C11orf87: variants seen among roughly 807,000 people sequenced by gnomAD.
C11orf87 encodes uncharacterized protein C11orf87.
A neutral mutation model predicts 9.2 loss-of-function variants in C11orf87; 3 were observed. That is an observed-to-expected ratio of 0.33 (90% CI 0.15 to 0.84). The LOEUF (loss-of-function observed/expected upper bound fraction) is 0.84, where lower values mean the gene tolerates loss of function less well. C11orf87 is among the 40% of genes least tolerant of loss of function. The probability of loss-of-function intolerance (pLI) is 0.55; values close to 1 mark genes in which losing one functional copy is unlikely to be tolerated. For synonymous variants in C11orf87, 124 were observed against 124.6 expected (o/e 1.00, Z 0.03); for missense variants, 256 against 270.7 (o/e 0.95, Z 0.38).
rs758180198 is a variant in C11orf87, at chr11:109,425,699, T to C, written c.*1472T>C. ...CCATCTATTAAAAACATGGTTAATA[T>C]TTAAACAGTGCCTGTAGTTCTCCCT... On this transcript the variant is annotated 3_prime_UTR_variant, in exon 2 of 2. Transcript: ENST00000327419. 6 of 153,094 alleles carry C rather than the reference T, an allele frequency of 3.9e-5. No homozygotes were observed. The highest frequency in any genetic ancestry group is 2.1e-4 in the South Asian group (1 of 4,828). The allele number at this position is 153,094 out of a possible 1,614,324, so 9.5% of individuals were successfully genotyped here. A position where few individuals can be genotyped will look rare whatever the true frequency, so the allele number is the denominator to read the frequency against.
chr11:109,422,729 T>TTC (rs1860508991), intron 1 of C11orf87, among the ~76,000 whole-genome samples: 1 of 142,428 alleles, frequency 7.0e-6, no homozygotes, highest in African/African-American at 2.6e-5. Context: ...CTGCTTTTTT[T>TTC]TTTTTTTTTT....
chr11:109,428,008 T>C lies in C11orf87; in HGVS notation c.*3781T>C, dbSNP rs1860595767. On this transcript the variant is annotated 3_prime_UTR_variant, in exon 2 of 2. Transcript: ENST00000327419. Reference sequence around the variant, plus strand: ...CAAATCTGAATGACTTTCTCTTTAATAATGAAAGGGGAGAGTCCTGGTTAG... The same window carrying C: ...CAAATCTGAATGACTTTCTCTTTAACAATGAAAGGGGAGAGTCCTGGTTAG... 1 of 152,136 alleles carries C rather than the reference T, an allele frequency of 6.6e-6. No homozygotes were observed. The highest frequency in any genetic ancestry group is 6.5e-5 in the Admixed American group (1 of 15,274). The allele number at this position is 152,136 out of a possible 1,614,324, so 9.4% of individuals were successfully genotyped here. A position where few individuals can be genotyped will look rare whatever the true frequency, so the allele number is the denominator to read the frequency against.
At position 109,425,589 on chromosome 11, in the gene C11orf87, T is replaced by C. The variant is rs1275943143; in HGVS notation, c.*1362T>C. On this transcript the variant is annotated 3_prime_UTR_variant, in exon 2 of 2. Coordinates refer to ENST00000327419, the MANE Select transcript of C11orf87 (RefSeq NM_207645.4). Reference sequence around the variant, plus strand: ...TCTGTAGTAGACTGTTATAAAAAGATGACACACACGCTTTATTTTTTCTTT... The same window carrying C: ...TCTGTAGTAGACTGTTATAAAAAGACGACACACACGCTTTATTTTTTCTTT... The C allele has an allele frequency of 6.0e-6, 1 of 166,546 alleles. No homozygotes were observed. Among genetic ancestry groups the C allele is most frequent in the African/African-American group, 2.4e-5 (1 of 41,468 alleles). 10.3% of individuals were successfully genotyped at this position (166,546 alleles called of 1,614,324 possible). A position where few individuals can be genotyped will look rare whatever the true frequency, so the allele number is the denominator to read the frequency against.
rs1860587448 is a variant in C11orf87 at position 109,427,351 on chromosome 11, A to G, written c.*3124A>G. On this transcript the variant is annotated 3_prime_UTR_variant, in exon 2 of 2. Transcript: ENST00000327419. Reference sequence around the variant, plus strand: ...ACTCAAAACCTAAGCTTCCAGTGGTATTACTTGTGATTTTTTTATGAGATA... The same window carrying G: ...ACTCAAAACCTAAGCTTCCAGTGGTGTTACTTGTGATTTTTTTATGAGATA... 6.6e-6 allele frequency: 1 copy of G among 152,106 alleles called. No homozygotes were observed. The highest frequency in any genetic ancestry group is 2.1e-4 in the South Asian group (1 of 4,824). The allele number at this position is 152,106 out of a possible 1,614,324, so 9.4% of individuals were successfully genotyped here. A position where few individuals can be genotyped will look rare whatever the true frequency, so the allele number is the denominator to read the frequency against.
In C11orf87 at chr11:109,423,532, G is replaced by T; in HGVS notation, c.-102G>T. ...CGCACACCCCCTCCCGCTACAGGGA[G>T]CAGTTTTGGGTGGCGTGGGCTCCGT... is the stretch of plus-strand genomic sequence containing the variant. On this transcript the variant is annotated 5_prime_UTR_variant, in exon 2 of 2. Transcript: ENST00000327419. This position sits in a 1 kb window ranked among gnomAD's most constrained non-coding sequence, Gnocchi z 5.3. 8.4e-7 allele frequency: 1 copy of T among 1,192,520 alleles called. No individual in the cohort carries two copies. Among genetic ancestry groups the T allele is most frequent in the East Asian group, 2.6e-5 (1 of 38,946 alleles). 73.9% of individuals were successfully genotyped at this position (1,192,520 alleles called of 1,614,324 possible).
Position 109,425,925 on chromosome 11 carries a change from G to A in C11orf87, c.*1698G>A, listed in dbSNP as rs569130155. 6 of 152,320 alleles carry A rather than the reference G, an allele frequency of 3.9e-5. No individual in the cohort carries two copies. The South Asian group carries it at 1.2e-3, about 32-fold the overall frequency. 9.4% of individuals were successfully genotyped at this position (152,320 alleles called of 1,614,324 possible). A position where few individuals can be genotyped will look rare whatever the true frequency, so the allele number is the denominator to read the frequency against. ...TTACAAATCTGTGCCTGCAGCAAAA[G>A]AAAGGCTCTCTTTCTCAGTCTGTCC... is the stretch of plus-strand genomic sequence containing the variant. On this transcript the variant is annotated 3_prime_UTR_variant, in exon 2 of 2. Transcript: ENST00000327419.
At chr11:109,422,853 G>T (rs1397100933) in intron 1 of C11orf87, among the ~76,000 whole-genome samples, 2 of 151,494 alleles carry the variant, frequency 1.3e-5, no homozygotes, top group Admixed American at 1.3e-4. Context: ...TGGTGCCAGG[G>T]GTATCCCCCT....
chr11:109,424,885 A>C lies in C11orf87; in HGVS notation c.*658A>C, dbSNP rs767521162. On this transcript the variant is annotated 3_prime_UTR_variant, in exon 2 of 2. Coordinates refer to ENST00000327419, the MANE Select transcript of C11orf87 (RefSeq NM_207645.4). This position sits in a 1 kb window ranked among gnomAD's most constrained non-coding sequence, Gnocchi z 4.7. ...ACAGGTACCCCTCGCCAGTCCGCCCATTTCTCACCCTTTGGTTAACCATTA... is the reference window on the plus strand; with the variant it reads ...ACAGGTACCCCTCGCCAGTCCGCCCCTTTCTCACCCTTTGGTTAACCATTA... 6.0e-6 allele frequency: 1 copy of C among 167,064 alleles called. No homozygotes were observed. The highest frequency in any genetic ancestry group is 2.4e-5 in the African/African-American group (1 of 41,432). 10.3% of individuals were successfully genotyped at this position (167,064 alleles called of 1,614,324 possible). A position where few individuals can be genotyped will look rare whatever the true frequency, so the allele number is the denominator to read the frequency against.
At position 109,426,399 on chromosome 11, in the gene C11orf87, C is replaced by T. The variant is rs1258733800; in HGVS notation, c.*2172C>T. On this transcript the variant is annotated 3_prime_UTR_variant, in exon 2 of 2. Transcript: ENST00000327419. ...TATTTTTGGTCATCTATTAAATTGC[C>T]CAAGCTCAGTTTGCATCTTTTATAA... 3 of 152,110 alleles carry T rather than the reference C, an allele frequency of 2.0e-5. No individual in the cohort carries two copies. Among genetic ancestry groups the T allele is most frequent in the Non-Finnish European group, 4.4e-5 (3 of 68,014 alleles). 9.4% of individuals were successfully genotyped at this position (152,110 alleles called of 1,614,324 possible).
At position 109,426,887 on chromosome 11, in the gene C11orf87, C is replaced by A. The variant is rs1326142999; in HGVS notation, c.*2660C>A. ...TTCTTTCCCTTATTTGGTGCACTTT[C>A]TACAGCGAATAATTTCCCATTTTAT... On this transcript the variant is annotated 3_prime_UTR_variant, in exon 2 of 2. Coordinates refer to ENST00000327419, the MANE Select transcript of C11orf87 (RefSeq NM_207645.4). 1.3e-5 allele frequency: 2 copies of A among 152,170 alleles called. No individual in the cohort carries two copies. The highest frequency in any genetic ancestry group is 4.8e-5 in the African/African-American group (2 of 41,450). The allele number at this position is 152,170 out of a possible 1,614,324, so 9.4% of individuals were successfully genotyped here. A position where few individuals can be genotyped will look rare whatever the true frequency, so the allele number is the denominator to read the frequency against.
Position 109,423,776 on chromosome 11 carries a change from C to G in C11orf87, c.143C>G (p.Thr48Arg). The change falls in exon 2 of 2, where the codon ACG becomes AGG. Residue 48 changes from threonine to arginine, a missense_variant. Coordinates refer to ENST00000327419, the MANE Select transcript of C11orf87 (RefSeq NM_207645.4). The surrounding 1 kb of genome is among the most constrained non-coding windows in gnomAD (Gnocchi z 5.3). Reference protein sequence around the residue: ...PGAVGSGTCITQVGQQLFQSF... With the variant: ...PGAVGSGTCIRQVGQQLFQSF... ...GCAGTAGGCAGCGGCACCTGCATCA[C>G]GCAGGTGGGACAGCAGCTCTTCCAG... The G allele has an allele frequency of 6.2e-7, 1 of 1,614,006 alleles. No individual in the cohort carries two copies. Among genetic ancestry groups the G allele is most frequent in the Non-Finnish European group, 8.5e-7 (1 of 1,179,890 alleles).
rs537908880 is a variant in C11orf87, at chr11:109,428,352, CTTCT to C, written c.*4128_*4131del. On this transcript the variant is annotated 3_prime_UTR_variant, in exon 2 of 2. Transcript: ENST00000327419. ...ATATGGATAAATTAGCTTTAAGAAA[CTTCT>C]TTGACATCTGACTTTTCCACCATTT... is the stretch of plus-strand genomic sequence containing the variant. 1.3e-5 allele frequency: 2 copies of C among 152,150 alleles called. No homozygotes were observed. The highest frequency in any genetic ancestry group is 4.1e-4 in the South Asian group (2 of 4,834). 9.4% of individuals were successfully genotyped at this position (152,150 alleles called of 1,614,324 possible). A position where few individuals can be genotyped will look rare whatever the true frequency, so the allele number is the denominator to read the frequency against.
In C11orf87 at chr11:109,427,607, T is replaced by C. The variant is rs1316834592; in HGVS notation, c.*3380T>C. On this transcript the variant is annotated 3_prime_UTR_variant, in exon 2 of 2. Transcript: ENST00000327419. Reference sequence around the variant, plus strand: ...ATTTTAAGGATTTTATTCACTGATGTCCCGTCAAACTAAATGCTTCAAACC... The same window carrying C: ...ATTTTAAGGATTTTATTCACTGATGCCCCGTCAAACTAAATGCTTCAAACC... 1 of 152,178 alleles carries C rather than the reference T, an allele frequency of 6.6e-6. No individual in the cohort carries two copies. The highest frequency in any genetic ancestry group is 1.5e-5 in the Non-Finnish European group (1 of 67,998). 9.4% of individuals were successfully genotyped at this position (152,178 alleles called of 1,614,324 possible).
At position 109,426,056 on chromosome 11, in the gene C11orf87, T is replaced by C. The variant is rs1860568937; in HGVS notation, c.*1829T>C. 6.6e-6 allele frequency: 1 copy of C among 152,220 alleles called. No individual in the cohort carries two copies. Among genetic ancestry groups the C allele is most frequent in the South Asian group, 2.1e-4 (1 of 4,828 alleles). 9.4% of individuals were successfully genotyped at this position (152,220 alleles called of 1,614,324 possible). A position where few individuals can be genotyped will look rare whatever the true frequency, so the allele number is the denominator to read the frequency against. On this transcript the variant is annotated 3_prime_UTR_variant, in exon 2 of 2. Coordinates refer to ENST00000327419, the MANE Select transcript of C11orf87 (RefSeq NM_207645.4). ...CAGACAAGGCCATCTATGTTAGAAA[T>C]GGAAGTAGTCTATAGTTATTTACCA...
chr11:109,423,663 G>A lies in C11orf87; in HGVS notation c.30G>A (p.Arg10=), dbSNP rs766202448. 5 of 1,605,660 alleles carry A rather than the reference G, an allele frequency of 3.1e-6. No homozygotes were observed. Among genetic ancestry groups the A allele is most frequent in the Non-Finnish European group, 4.2e-6 (5 of 1,179,602 alleles). The part of the protein sequence containing the change: MSARAPKEL[R]LALPPCLLNR... The stretch of plus-strand genomic sequence containing the variant: ...GTGCCAGGGCGCCGAAGGAGCTGAG[G>A]CTGGCGTTGCCGCCGTGTCTCCTCA... The change falls in exon 2 of 2, where the codon AGG becomes AGA. Residue 10 remains arginine, a synonymous_variant. Transcript: ENST00000327419. This position sits in a 1 kb window ranked among gnomAD's most constrained non-coding sequence, Gnocchi z 5.3.
rs958742706 is a variant in C11orf87, at chr11:109,422,276, G to C, written c.-260+13G>C. 1.6e-5 allele frequency: 3 copies of C among 182,678 alleles called. No homozygotes were observed. The highest frequency in any genetic ancestry group is 7.2e-5 in the African/African-American group (3 of 41,730). 11.3% of individuals were successfully genotyped at this position (182,678 alleles called of 1,614,324 possible). The stretch of plus-strand genomic sequence containing the variant: ...GCCGGCGGTCCAGGTAAGAGACAAG[G>C]TGTGAGTAAAGGCTTCTGATGGCCG... On this transcript the variant is annotated intron_variant, in intron 1 of 1. Coordinates refer to ENST00000327419, the MANE Select transcript of C11orf87 (RefSeq NM_207645.4).
In C11orf87 at chr11:109,423,689, A is replaced by C. The variant is rs148816646; in HGVS notation, c.56A>C (p.Asn19Thr). 1 of 1,611,426 alleles carries C rather than the reference A, an allele frequency of 6.2e-7. No individual in the cohort carries two copies. Among genetic ancestry groups the C allele is most frequent in the Non-Finnish European group, 8.5e-7 (1 of 1,179,886 alleles). The change falls in exon 2 of 2, where the codon AAC (asparagine) becomes ACC (threonine). Residue 19 changes from asparagine to threonine, a missense_variant. Physicochemically the swap from Asn to Thr is moderately conservative, Grantham distance 65. Transcript: ENST00000327419. The surrounding 1 kb of genome is among the most constrained non-coding windows in gnomAD (Gnocchi z 5.3). ...CTGGCGTTGCCGCCGTGTCTCCTCA[A>C]CCGGACCTTTGCTTCCCCCAACGCC... The part of the protein sequence containing the change: ...LRLALPPCLL[N>T]RTFASPNASG...
rs1273810490 is a variant in C11orf87 at position 109,423,459 on chromosome 11, T to C, written c.-175T>C. 2 of 635,576 alleles carry C rather than the reference T, an allele frequency of 3.1e-6. No individual in the cohort carries two copies. The allele number at this position is 635,576 out of a possible 1,614,324, so 39.4% of individuals were successfully genotyped here. A position where few individuals can be genotyped will look rare whatever the true frequency, so the allele number is the denominator to read the frequency against. On this transcript the variant is annotated 5_prime_UTR_variant, in exon 2 of 2. Transcript: ENST00000327419. This position sits in a 1 kb window ranked among gnomAD's most constrained non-coding sequence, Gnocchi z 5.3. Reference sequence around the variant, plus strand: ...GGATCTCTCGGGCGCCGCTCACTCCTTGGTCGCCTTGCTTGCCAGCAGTTG... The same window carrying C: ...GGATCTCTCGGGCGCCGCTCACTCCCTGGTCGCCTTGCTTGCCAGCAGTTG...
intron 1 of C11orf87, among the ~76,000 whole-genome samples, chr11:109,422,905 G>A (rs1187867889): frequency 1.3e-5 from 2 of 151,710 alleles, no homozygotes; most frequent in Non-Finnish European, 2.9e-5. Context: ...CAGGGAGGGC[G>A]AGTCTGGACG....
Sources: allele counts gnomAD v4.1 joint callset (sites outside exome capture counted in the v4.1 genomes callset), GRCh38; gene constraint gnomAD v4.1.1; non-coding constraint Gnocchi (gnomAD v3.1); transcripts MANE v1.5; gene names NCBI Gene and HGNC (gene_info 2026-07-23, HGNC 2026-07-21).